The following WARS2 variants were observed in gnomAD, a reference collection of about 807,000 sequenced individuals.
The protein encoded by WARS2 is tryptophanyl tRNA synthetase 2, mitochondrial, also known as tryptophan--tRNA ligase, mitochondrial.
In WARS2, 28 loss-of-function variants were observed where a neutral mutation model predicts 36.5. That is an observed-to-expected ratio of 0.77 (90% CI 0.57 to 1.05). The LOEUF (loss-of-function observed/expected upper bound fraction) is 1.05. Among genes scored for constraint, WARS2 ranks in the 50% least tolerant of loss-of-function variants. The probability of loss-of-function intolerance (pLI) is 0.00; values close to 1 mark genes in which losing one functional copy is unlikely to be tolerated. For missense variants in WARS2, 435 were observed against 456.8 expected (o/e 0.95, Z 0.44); for synonymous variants, 174 against 178.4 (o/e 0.98, Z 0.20).
At chr1:119,079,525 T>G (rs1446295271) in intron 1 of WARS2, among the ~76,000 whole-genome samples, 1 of 152,172 alleles carries the variant, frequency 6.6e-6, no homozygotes, top group Non-Finnish European at 1.5e-5. Context: ...CGGGGAGAAC[T>G]GACATCTTTA....
rs190781191 is a variant in WARS2, at chr1:119,115,809, G to C, written c.90+24746C>G. On this transcript the variant is annotated intron_variant, in intron 1 of 5. Transcript: ENST00000235521. ...ATCACTGACACCCATGACACTTTCT[G>C]TGAAGTTCAGATGGGTGTTACTGTT... is the stretch of plus-strand genomic sequence containing the variant. 3.2e-3 allele frequency among the ~76,000 whole-genome samples: 482 copies of C among 152,262 alleles called. 3 individuals carry two copies. Among genetic ancestry groups the C allele is most frequent in the African/African-American group, 0.011 (461 of 41,548 alleles).
chr1:119,085,910 C>T (rs1159733506), intron 1 of WARS2: 2 of 1,610,534 alleles, frequency 1.2e-6, no homozygotes, highest in Non-Finnish European at 1.7e-6. Flanking sequence ...GGACCTCTCG[C>T]TCATTCAGCT....
At chr1:119,056,536 A>T (rs994452244) in intron 2 of WARS2, among the ~76,000 whole-genome samples, 5 of 147,014 alleles carry the variant, frequency 3.4e-5, no homozygotes, top group Non-Finnish European at 7.5e-5. Flanking sequence ...CTAAATATAT[A>T]ATATATATAT....
At chr1:119,076,683 A>AT in intron 1 of WARS2, 76 bp from the exon 2 acceptor site, 1 of 1,567,240 alleles carries the variant, frequency 6.4e-7, no homozygotes, top group East Asian at 2.2e-5. Flanking sequence ...TATCATAGCT[A>AT]TGGGAGCTAG....
intron 4 of WARS2, among the ~76,000 whole-genome samples, chr1:119,037,207 A>G (rs1647957867): frequency 6.6e-6 from 1 of 152,004 alleles, no homozygotes; most frequent in African/African-American, 2.4e-5. Flanking sequence ...AAAGCCTTTC[A>G]TAATTTTGAT....
At chr1:119,088,778 T>C (rs896218409) in intron 1 of WARS2, among the ~76,000 whole-genome samples, 4 of 152,160 alleles carry the variant, frequency 2.6e-5, no homozygotes, top group African/African-American at 7.2e-5. Context: ...AAAGCATATA[T>C]AGCCTGGACA....
chr1:119,051,796 C>T lies in WARS2; in HGVS notation c.349-6134G>A, dbSNP rs1001690081. ...TTTTTTTTTTTTTTTGAGACAAGGT[C>T]TCACTCTGTTGCCCAGGCTGGAGTG... On this transcript the variant is annotated intron_variant, in intron 2 of 5. Coordinates refer to ENST00000235521, the MANE Select transcript of WARS2 (RefSeq NM_015836.4). Among the ~76,000 whole-genome samples, 22 of 126,800 alleles carry T rather than the reference C, an allele frequency of 1.7e-4. 1 individual carries two copies. The Admixed American group carries it at 2.1e-3, about 12-fold the overall frequency. 83.2% of individuals were successfully genotyped at this position (126,800 alleles called of 152,430 possible).
At chr1:119,138,204 A>G (rs1158643116) in intron 1 of WARS2, among the ~76,000 whole-genome samples, 1 of 152,204 alleles carries the variant, frequency 6.6e-6, no homozygotes, top group Non-Finnish European at 1.5e-5. Context: ...TAAGAATCCA[A>G]TGCCTCTTTC....
chr1:119,038,382 T>C (rs1243886488), intron 4 of WARS2, among the ~76,000 whole-genome samples: 1 of 152,094 alleles, frequency 6.6e-6, no homozygotes, highest in Non-Finnish European at 1.5e-5. Flanking sequence ...CTATAGGAAA[T>C]CCAGCATTCT....
intron 4 of WARS2, among the ~76,000 whole-genome samples, chr1:119,035,149 A>G (rs896764021): frequency 3.9e-5 from 6 of 152,250 alleles, no homozygotes; most frequent in Non-Finnish European, 8.8e-5. Flanking sequence ...GACATAGTAC[A>G]TCAAATAAGG....
chr1:119,132,129 T>G (rs1338858220), intron 1 of WARS2, among the ~76,000 whole-genome samples: 1 of 152,182 alleles, frequency 6.6e-6, no homozygotes, highest in Non-Finnish European at 1.5e-5. Flanking sequence ...ATGTTGCACA[T>G]GAGACAACTG....
intron 1 of WARS2, chr1:119,085,763 GT>G: frequency 6.3e-7 from 1 of 1,591,746 alleles, no homozygotes; most frequent in Non-Finnish European, 8.6e-7. Context: ...TGAGATTAAT[GT>G]TAACAATCTC....
At chr1:119,085,880 C>T (rs2101377647) in intron 1 of WARS2, 5 of 1,610,560 alleles carry the variant, frequency 3.1e-6, no homozygotes, top group Non-Finnish European at 4.2e-6. Flanking sequence ...GCCAGGACAC[C>T]TTATCGGCCA....
At chr1:119,115,633 T>C (rs1320267421) in intron 1 of WARS2, among the ~76,000 whole-genome samples, 1 of 152,200 alleles carries the variant, frequency 6.6e-6, no homozygotes, top group African/African-American at 2.4e-5. Context: ...TTTTCAGGGA[T>C]ATACAATACA....
At chr1:119,102,462 CCTCT>C (rs1014373082) in intron 1 of WARS2, among the ~76,000 whole-genome samples, 1 of 152,168 alleles carries the variant, frequency 6.6e-6, no homozygotes, top group Non-Finnish European at 1.5e-5. Flanking sequence ...GAAAGGGGTC[CCTCT>C]AAGATTAACC....
intron 2 of WARS2, among the ~76,000 whole-genome samples, chr1:119,051,671 T>A (rs1259761820): frequency 6.6e-6 from 1 of 152,122 alleles, no homozygotes; most frequent in African/African-American, 2.4e-5. Context: ...GTATAAGTGT[T>A]CCCTTTACTC....
chr1:119,088,377 C>T (rs919991806), intron 1 of WARS2, among the ~76,000 whole-genome samples: 26 of 151,572 alleles, frequency 1.7e-4, no homozygotes, highest in South Asian at 2.1e-4. Context: ...AACCACTGTT[C>T]TAAGCCAACT....
chr1:119,139,893 T>C (rs1656816584), intron 1 of WARS2: 1 of 151,938 alleles, frequency 6.6e-6, no homozygotes, highest in Admixed American at 6.6e-5. Context: ...TTAAGACAAT[T>C]CCCAATAAGA....
intron 1 of WARS2, among the ~76,000 whole-genome samples, chr1:119,102,832 G>C (rs200348540): frequency 6.6e-6 from 1 of 152,114 alleles, no homozygotes; most frequent in South Asian, 2.1e-4. Flanking sequence ...GGCTGTTTTT[G>C]TCTTGCTGCT....
Sources: allele counts gnomAD v4.1 joint callset (sites outside exome capture counted in the v4.1 genomes callset), GRCh38; gene constraint gnomAD v4.1.1; transcripts MANE v1.5; gene names NCBI Gene and HGNC (gene_info 2026-07-23, HGNC 2026-07-21).